The following IFT88 variants were observed in gnomAD, a reference collection of about 807,000 sequenced individuals.
IFT88 encodes intraflagellar transport protein 88 homolog.
IFT88 carries 74 observed loss-of-function variants against 119.5 expected under a neutral mutation model. The ratio of observed to expected loss-of-function variants is 0.62; its 90% CI spans 0.51 to 0.75. The LOEUF (loss-of-function observed/expected upper bound fraction) is 0.75. Among genes scored for constraint, IFT88 ranks in the 30% least tolerant of loss-of-function variants. The pLI, the probability that IFT88 is intolerant of heterozygous loss-of-function variation, is 0.00. For synonymous variants in IFT88, 279 were observed against 316.7 expected (o/e 0.88, Z 1.26); for missense variants, 961 against 977.7 (o/e 0.98, Z 0.23).
intron 24 of IFT88, among the ~76,000 whole-genome samples, chr13:20,683,115 A>G (rs1411625679): frequency 6.6e-6 from 1 of 152,150 alleles, no homozygotes; most frequent in Non-Finnish European, 1.5e-5. Context: ...CAGGGAGAAA[A>G]TGTTGGAGCT....
intron 1 of IFT88, among the ~76,000 whole-genome samples, chr13:20,569,235 A>T (rs1431438504): frequency 7.0e-6 from 1 of 142,712 alleles, no homozygotes; most frequent in African/African-American, 2.5e-5. Flanking sequence ...TATGATACCA[A>T]AAGTACGTGC....
intron 12 of IFT88, among the ~76,000 whole-genome samples, chr13:20,602,480 C>T (rs2042763170): frequency 6.6e-6 from 1 of 152,274 alleles, no homozygotes; most frequent in Middle Eastern, 3.4e-3. Context: ...GCTGGGATTA[C>T]AGGTATGAGC....
At chr13:20,587,414 C>T (rs550176590) in intron 3 of IFT88, among the ~76,000 whole-genome samples, 1 of 152,178 alleles carries the variant, frequency 6.6e-6, no homozygotes, top group Admixed American at 6.5e-5. Context: ...TGAGCCACCA[C>T]ACCTGGCTAA....
chr13:20,674,733 T>A (rs2056437527), intron 24 of IFT88, among the ~76,000 whole-genome samples: 1 of 140,516 alleles, frequency 7.1e-6, no homozygotes, highest in African/African-American at 2.6e-5. Flanking sequence ...TATTTTTTTT[T>A]TTTTTTTTTT....
chr13:20,576,976 T>C (rs547398846), intron 2 of IFT88, among the ~76,000 whole-genome samples: 3 of 152,328 alleles, frequency 2.0e-5, no homozygotes, highest in South Asian at 2.1e-4. Flanking sequence ...TTTAACAATA[T>C]TGGTTTTTCC....
intron 15 of IFT88, among the ~76,000 whole-genome samples, chr13:20,628,584 G>GTA (rs1214999232): frequency 1.3e-5 from 2 of 152,026 alleles, no homozygotes; most frequent in Non-Finnish European, 2.9e-5. Context: ...GTAGATTTAT[G>GTA]GACATGTAGA....
intron 3 of IFT88, 21 bp downstream of exon 3, chr13:20,583,040 T>C: frequency 6.5e-7 from 1 of 1,536,108 alleles, no homozygotes; most frequent in Non-Finnish European, 9.0e-7. Context: ...AAAATTTTTT[T>C]TAAATTGTGG....
At chr13:20,626,754 C>T (rs182910740) in intron 15 of IFT88, among the ~76,000 whole-genome samples, 29 of 152,264 alleles carry the variant, frequency 1.9e-4, no homozygotes, top group Middle Eastern at 3.4e-3. Flanking sequence ...AATCAGGAGG[C>T]TTAGACAGGT....
intron 14 of IFT88, among the ~76,000 whole-genome samples, chr13:20,620,296 G>A (rs938565875): frequency 5.3e-5 from 8 of 152,044 alleles, no homozygotes; most frequent in African/African-American, 1.9e-4. Context: ...CCACTGCACT[G>A]TAATGTCACC....
At chr13:20,673,380 G>A (rs141097797) in intron 24 of IFT88, among the ~76,000 whole-genome samples, 205 of 152,252 alleles carry the variant, frequency 1.3e-3, no homozygotes, top group African/African-American at 4.4e-3. Context: ...GAATGGTGTG[G>A]TGCTTCCCCA....
Position 20,625,766 on chromosome 13 carries a change from A to C in IFT88, c.1216A>C (p.Lys406Gln). 3 of 1,603,914 alleles carry C rather than the reference A, an allele frequency of 1.9e-6. No homozygotes were observed. Among genetic ancestry groups the C allele is most frequent in the Non-Finnish European group, 2.5e-6 (3 of 1,176,862 alleles). ...AGYDWCVEVV[K>Q]ASQYVELAND... ...CCCTTATAGGTGCGTGGAAGTGGTG[A>C]AAGCTTCTCAATATGTAGAGCTAGC... Residue 406 changes from lysine (K) to glutamine (Q), a missense_variant, in exon 15 of 26, where the codon AAA (lysine) becomes CAA (glutamine). By Grantham distance (53) the Lys-to-Gln change is moderately conservative. Transcript: ENST00000351808.
chr13:20,638,611 G>A, intron 17 of IFT88, 93 bp downstream of exon 17: 1 of 761,992 alleles, frequency 1.3e-6, no homozygotes. Flanking sequence ...TAACACATTA[G>A]GAGGAGGAGT....
chr13:20,569,910 T>A (rs1448785307), intron 1 of IFT88, among the ~76,000 whole-genome samples: 2 of 151,828 alleles, frequency 1.3e-5, no homozygotes, highest in Non-Finnish European at 2.9e-5. Flanking sequence ...CCGGGCTTGG[T>A]GGCGGGTGCC....
chr13:20,624,394 C>T (rs1051729229), intron 14 of IFT88, among the ~76,000 whole-genome samples: 3 of 152,136 alleles, frequency 2.0e-5, no homozygotes, highest in Non-Finnish European at 4.4e-5. Flanking sequence ...GCTCCCCGAA[C>T]CCTGTCCTCT....
At chr13:20,690,850 C>G in intron 25 of IFT88, 35 bp downstream of exon 25, 1 of 1,502,186 alleles carries the variant, frequency 6.7e-7, no homozygotes. Context: ...CCAGGCATAG[C>G]AGGTCTGAAG....
intron 24 of IFT88, among the ~76,000 whole-genome samples, chr13:20,680,791 G>T (rs1280184255): frequency 3.3e-5 from 4 of 121,868 alleles, no homozygotes; most frequent in Non-Finnish European, 6.6e-5. Flanking sequence ...CAAATCAGCT[G>T]CTGGTTTTGG....
intron 16 of IFT88, chr13:20,631,469 C>A: frequency 5.5e-6 from 1 of 182,406 alleles, no homozygotes; most frequent in Non-Finnish European, 1.2e-5. Context: ...TCAACTCTAA[C>A]AAGCATTTAT....
chr13:20,607,536 T>G (rs1402196500), intron 13 of IFT88: 2 of 707,304 alleles, frequency 2.8e-6, no homozygotes, highest in African/African-American at 3.5e-5. Context: ...GCTGTGCTTC[T>G]TGTTTCAGAA....
chr13:20,689,558 C>T (rs2058283317), intron 24 of IFT88, among the ~76,000 whole-genome samples: 1 of 152,056 alleles, frequency 6.6e-6, no homozygotes, highest in African/African-American at 2.4e-5. Flanking sequence ...ATGCCCTTGC[C>T]CTTCGTTGAC....
Sources: allele counts gnomAD v4.1 joint callset (sites outside exome capture counted in the v4.1 genomes callset), GRCh38; gene constraint gnomAD v4.1.1; transcripts MANE v1.5; gene names NCBI Gene and HGNC (gene_info 2026-07-23, HGNC 2026-07-21).